The following FIRRM variants were observed in gnomAD, a reference collection of about 807,000 sequenced individuals.
The protein encoded by FIRRM is FIGNL1-interacting regulator of recombination and mitosis.
chr1:169,806,879 A>G, the FIRRM span, among the ~76,000 whole-genome samples: 1 of 152,244 alleles, frequency 6.6e-6, no homozygotes, highest in African/African-American at 2.4e-5. Context: ...TGACAGGGTT[A>G]TAGTGAGAAT....
At chr1:169,838,179 T>A in the FIRRM span, among the ~76,000 whole-genome samples, 1 of 152,164 alleles carries the variant, frequency 6.6e-6, no homozygotes, top group South Asian at 2.1e-4. Context: ...TGTCAGGTAA[T>A]CTACCCTCCT....
chr1:169,808,908 T>G, the FIRRM span, among the ~76,000 whole-genome samples: 1 of 152,200 alleles, frequency 6.6e-6, no homozygotes, highest in African/African-American at 2.4e-5. Context: ...CTATATGTAA[T>G]AATTTTAATG....
At chr1:169,850,203 C>A in the FIRRM span, 1 of 1,102,902 alleles carries the variant, frequency 9.1e-7, no homozygotes, top group Non-Finnish European at 1.4e-6. Context: ...TAAAACTCAT[C>A]TATTTGTCTT....
At chr1:169,793,005 C>A in the FIRRM span, 1 of 1,614,076 alleles carries the variant, frequency 6.2e-7, no homozygotes, top group East Asian at 2.2e-5. Flanking sequence ...TTAGCTACTA[C>A]ATTAGGTAAG....
chr1:169,803,255 G>A, the FIRRM span: 9 of 1,613,636 alleles, frequency 5.6e-6, no homozygotes, highest in Non-Finnish European at 7.6e-6. Flanking sequence ...AAAATATTCA[G>A]AGTCTCCCCT....
At chr1:169,813,808 G>C in the FIRRM span, among the ~76,000 whole-genome samples, 10 of 152,314 alleles carry the variant, frequency 6.6e-5, no homozygotes, top group African/African-American at 2.4e-4. Flanking sequence ...GGTAACACTG[G>C]TCTTAGAGTT....
chr1:169,837,913 T>C, the FIRRM span, among the ~76,000 whole-genome samples: 5 of 152,334 alleles, frequency 3.3e-5, no homozygotes, highest in East Asian at 1.9e-4. Flanking sequence ...GATACCGTTA[T>C]ATGTAATGAC....
the FIRRM span, among the ~76,000 whole-genome samples, chr1:169,846,704 G>A: frequency 6.6e-6 from 1 of 152,166 alleles, no homozygotes; most frequent in Non-Finnish European, 1.5e-5. Flanking sequence ...AGAGGGCCTG[G>A]CTTTGGATTT....
chr1:169,784,148 C>T, the FIRRM span, among the ~76,000 whole-genome samples: 1 of 152,170 alleles, frequency 6.6e-6, no homozygotes, highest in East Asian at 1.9e-4. Context: ...AGCACTATCT[C>T]AAGCAAACTG....
the FIRRM span, among the ~76,000 whole-genome samples, chr1:169,820,505 G>A: frequency 5.3e-5 from 8 of 152,160 alleles, no homozygotes; most frequent in African/African-American, 1.9e-4. Flanking sequence ...CCAGTTCTTA[G>A]CCAAGAGGGA....
At chr1:169,821,714 C>G in the FIRRM span, 1 of 1,611,554 alleles carries the variant, frequency 6.2e-7, no homozygotes, top group Non-Finnish European at 8.5e-7. Flanking sequence ...AGAAAACACT[C>G]AAATTGTGTC....
the FIRRM span, chr1:169,830,356 C>T: frequency 2.5e-6 from 4 of 1,606,332 alleles, no homozygotes; most frequent in South Asian, 3.3e-5. Context: ...AACATATTTG[C>T]TTTTTTGTTC....
chr1:169,852,692 C>A, the FIRRM span: 1 of 1,249,470 alleles, frequency 8.0e-7, no homozygotes, highest in Non-Finnish European at 1.1e-6. Flanking sequence ...GATCCAATGA[C>A]TAGAATAAAA....
chr1:169,850,506 A>G, the FIRRM span: 1 of 564,094 alleles, frequency 1.8e-6, no homozygotes, highest in Non-Finnish European at 3.2e-6. Context: ...CACAGAAGTA[A>G]AACACTTGGG....
the FIRRM span, chr1:169,837,165 A>G: frequency 6.8e-7 from 1 of 1,468,420 alleles, no homozygotes; most frequent in Non-Finnish European, 9.1e-7. Flanking sequence ...TTTATTGAGC[A>G]TTGTTTTAGG....
chr1:169,800,639 A>G, the FIRRM span, among the ~76,000 whole-genome samples: 123 of 151,536 alleles, frequency 8.1e-4, 6 homozygotes, highest in South Asian at 0.025. Context: ...ATGATGGCAG[A>G]TCCTATTCAA....
chr1:169,804,041 GTTTT>G, the FIRRM span: 11 of 1,369,222 alleles, frequency 8.0e-6, no homozygotes, highest in Non-Finnish European at 1.1e-5. Flanking sequence ...GCTTTGATTT[GTTTT>G]TTCTCTCATT....
the FIRRM span, chr1:169,849,716 A>AT: frequency 1.3e-6 from 1 of 793,880 alleles, no homozygotes; most frequent in Non-Finnish European, 2.0e-6. Context: ...CAATCGGAAA[A>AT]TTGTCTGAAG....
the FIRRM span, chr1:169,830,789 A>C: frequency 5.3e-6 from 8 of 1,523,192 alleles, no homozygotes; most frequent in Admixed American, 5.0e-5. Flanking sequence ...CTTTCTATGC[A>C]CTTCCTTTGG....
Sources: allele counts gnomAD v4.1 joint callset (sites outside exome capture counted in the v4.1 genomes callset), GRCh38; gene constraint gnomAD v4.1.1; transcripts MANE v1.5; gene names NCBI Gene and HGNC (gene_info 2026-07-23, HGNC 2026-07-21).